MAN1A1: variants seen among roughly 807,000 people sequenced by gnomAD.
MAN1A1 encodes mannosidase alpha class 1A member 1.
Under a neutral mutation model 70.8 loss-of-function variants are expected in MAN1A1, and 29 were observed. The observed-to-expected ratio is 0.41, with a 90% CI of 0.31 to 0.56. The LOEUF (loss-of-function observed/expected upper bound fraction) is 0.56, where lower values mean the gene tolerates loss of function less well. Ranked by LOEUF, MAN1A1 falls within the 20% of genes least tolerant of loss-of-function variation. The pLI is 0.29. For missense variants in MAN1A1, 747 were observed against 841.3 expected (o/e 0.89, Z 1.39); for synonymous variants, 349 against 330.1 (o/e 1.06, Z -0.62).
At chr6:119,238,814 A>T (rs1774924595) in intron 6 of MAN1A1, among the ~76,000 whole-genome samples, 1 of 152,046 alleles carries the variant, frequency 6.6e-6, no homozygotes, top group African/African-American at 2.4e-5. Context: ...ATAATGTTAA[A>T]CTCCCACTCA....
chr6:119,349,654 A>G lies in MAN1A1; in HGVS notation c.-335T>C, dbSNP rs28364656. The G allele has an allele frequency of 0.043, 42,052 of 985,752 alleles. 927 individuals carry two copies. Among genetic ancestry groups the G allele is most frequent in the East Asian group, 0.09 (787 of 8,740 alleles). The allele number at this position is 985,752 out of a possible 1,614,324, so 61.1% of individuals were successfully genotyped here. ...TAGGCTGGGCTGAGCGCGCTGTCCC[A>G]CGGTCCCGCAGCCCCGGCGCGGCTC... On this transcript the variant is annotated 5_prime_UTR_variant, in exon 1 of 13. Coordinates refer to ENST00000368468, the MANE Select transcript of MAN1A1 (RefSeq NM_005907.4).
In MAN1A1 at chr6:119,185,404, G is replaced by A. The variant is rs573860099; in HGVS notation, c.1719+3001C>T. 1.2e-4 allele frequency among the ~76,000 whole-genome samples: 19 copies of A among 152,186 alleles called. No individual in the cohort carries two copies. The East Asian group carries it at 3.1e-3, about 25-fold the overall frequency. ...AAGACACAGAAAGCAGGTTTCTCAA[G>A]TGTATCAGTGAAAGAAGGCTGGGAA... On this transcript the variant is annotated intron_variant, in intron 11 of 12. Transcript: ENST00000368468.
intron 2 of MAN1A1, among the ~76,000 whole-genome samples, chr6:119,327,576 G>A (rs1418985618): frequency 6.6e-6 from 1 of 151,924 alleles, no homozygotes; most frequent in Non-Finnish European, 1.5e-5. Context: ...TTTTAATAGA[G>A]ATGGGGTTTC....
chr6:119,243,994 C>G lies in MAN1A1; in HGVS notation c.992+4266G>C, dbSNP rs116686395. ...GTGATAAAATAGTGTATAGCTAAAA[C>G]TAACTCATTTATCAAGAAAGACAGA... On this transcript the variant is annotated intron_variant, in intron 6 of 12. Transcript: ENST00000368468. Among the ~76,000 whole-genome samples, 1,406 of 152,116 alleles carry G rather than the reference C, an allele frequency of 9.2e-3. 23 individuals carry two copies. The highest frequency in any genetic ancestry group is 0.032 in the African/African-American group (1,336 of 41,528).
rs780416972 is a variant in MAN1A1 at position 119,269,225 on chromosome 6, C to T, written c.898-20871G>A. 1.5e-3 allele frequency: 379 copies of T among 258,580 alleles called. 2 individuals are homozygous for T. Among genetic ancestry groups the T allele is most frequent in the Non-Finnish European group, 2.0e-3 (263 of 131,426 alleles). 16.0% of individuals were successfully genotyped at this position (258,580 alleles called of 1,614,324 possible). On this transcript the variant is annotated intron_variant, in intron 5 of 12. Coordinates refer to ENST00000368468, the MANE Select transcript of MAN1A1 (RefSeq NM_005907.4). ...CCTGTTTACATAGCCTCATAAGCTG[C>T]TTTTCTTCCAATAGCAGATATTGGC...
At chr6:119,188,623 T>A (rs1467065901) in intron 10 of MAN1A1, 46 bp from the exon 11 acceptor site, 1 of 1,517,792 alleles carries the variant, frequency 6.6e-7, no homozygotes, top group Admixed American at 1.9e-5. Flanking sequence ...TCCTGGACAG[T>A]GCTTACAGTC....
At chr6:119,184,763 C>T (rs983269046) in intron 11 of MAN1A1, among the ~76,000 whole-genome samples, 2 of 152,056 alleles carry the variant, frequency 1.3e-5, no homozygotes, top group Admixed American at 6.5e-5. Flanking sequence ...TAAGGCTTTA[C>T]CCTTTACCAT....
chr6:119,250,648 C>CTGTGTG lies in MAN1A1; in HGVS notation c.898-2300_898-2295dup, dbSNP rs71015031. Among the ~76,000 whole-genome samples the CTGTGTG allele has an allele frequency of 9.3e-3, 1,386 of 148,622 alleles. 14 individuals carry two copies. Among genetic ancestry groups the CTGTGTG allele is most frequent in the African/African-American group, 0.028 (1,135 of 40,426 alleles). ...CAGACTCCTCTCTCTTGTTCTCTCT[C>CTGTGTG]TGTGTGTGTGTGTGTGTGTGTGTGT... On this transcript the variant is annotated intron_variant, in intron 5 of 12. Transcript: ENST00000368468.
intron 5 of MAN1A1, among the ~76,000 whole-genome samples, chr6:119,278,485 T>C (rs1191063020): frequency 6.6e-6 from 1 of 152,222 alleles, no homozygotes; most frequent in Non-Finnish European, 1.5e-5. Context: ...TTAGTATGGA[T>C]TTATGAATTT....
intron 5 of MAN1A1, among the ~76,000 whole-genome samples, chr6:119,267,038 A>T (rs1775777135): frequency 6.6e-6 from 1 of 152,218 alleles, no homozygotes; most frequent in Non-Finnish European, 1.5e-5. Flanking sequence ...ACAAGATACT[A>T]ATTAGTACCT....
At chr6:119,271,257 T>C (rs1449872890) in intron 5 of MAN1A1, among the ~76,000 whole-genome samples, 1 of 152,198 alleles carries the variant, frequency 6.6e-6, no homozygotes, top group Non-Finnish European at 1.5e-5. Flanking sequence ...TAGTGTATCA[T>C]AGTTCTAGAA....
intron 5 of MAN1A1, among the ~76,000 whole-genome samples, chr6:119,282,991 T>C (rs560945386): frequency 4.6e-5 from 7 of 152,354 alleles, no homozygotes; most frequent in Admixed American, 4.6e-4. Context: ...CTACAATAAA[T>C]GACCTACTGT....
chr6:119,336,712 T>C, intron 2 of MAN1A1, among the ~76,000 whole-genome samples: 1 of 152,224 alleles, frequency 6.6e-6, no homozygotes, highest in South Asian at 2.1e-4. Context: ...ATTTCTCTAG[T>C]GGAAAATAAT....
At position 119,330,231 on chromosome 6, in the gene MAN1A1, C is replaced by T. The variant is rs550800585; in HGVS notation, c.603+18232G>A. On this transcript the variant is annotated intron_variant, in intron 2 of 12. Coordinates refer to ENST00000368468, the MANE Select transcript of MAN1A1 (RefSeq NM_005907.4). The stretch of plus-strand genomic sequence containing the variant: ...TGCTTGTTGTATACATCCAACTGCT[C>T]ACAAGAGACCTCCAATTGGACATCT... Among the ~76,000 whole-genome samples the T allele has an allele frequency of 3.7e-4, 57 of 152,274 alleles. No homozygotes were observed. In the South Asian group the frequency reaches 0.011, roughly 30 times the overall value.
intron 2 of MAN1A1, among the ~76,000 whole-genome samples, chr6:119,345,977 G>A (rs979648876): frequency 1.2e-4 from 18 of 152,110 alleles, no homozygotes; most frequent in Non-Finnish European, 2.2e-4. Context: ...GTGGTGGCAC[G>A]TGCCTGTAAT....
chr6:119,198,251 G>A (rs891228530), intron 8 of MAN1A1, among the ~76,000 whole-genome samples: 2 of 152,190 alleles, frequency 1.3e-5, no homozygotes, highest in Admixed American at 1.3e-4. Flanking sequence ...TTAGCTGGGT[G>A]TGGTGGTACA....
chr6:119,347,400 A>G (rs1299239698), intron 2 of MAN1A1, among the ~76,000 whole-genome samples: 1 of 152,252 alleles, frequency 6.6e-6, no homozygotes, highest in Non-Finnish European at 1.5e-5. Flanking sequence ...TATTTTTTAA[A>G]TGGCAAAAAT....
At chr6:119,232,129 T>G (rs1290951858) in intron 6 of MAN1A1, among the ~76,000 whole-genome samples, 1 of 151,888 alleles carries the variant, frequency 6.6e-6, no homozygotes, top group Admixed American at 6.5e-5. Flanking sequence ...ATCCAGCACT[T>G]TGGGAGGCCG....
intron 6 of MAN1A1, among the ~76,000 whole-genome samples, chr6:119,205,507 T>C (rs1005801742): frequency 1.3e-5 from 2 of 152,306 alleles, no homozygotes; most frequent in Non-Finnish European, 2.9e-5. Context: ...TCAACAAAAT[T>C]ATGTTATAAA....
Sources: gnomAD v4.1 joint callset for allele counts (sites outside exome capture counted in the v4.1 genomes callset) on GRCh38, gnomAD v4.1.1 for gene constraint, MANE v1.5 for transcripts, NCBI Gene and HGNC (gene_info 2026-07-23, HGNC 2026-07-21) for gene names.